The following DNAH7 variants were observed in gnomAD, a reference collection of about 807,000 sequenced individuals.
The protein encoded by DNAH7 is axonemal beta dynein heavy chain 7.
Under a neutral mutation model 444.6 loss-of-function variants are expected in DNAH7, and 397 were observed. That is an observed-to-expected ratio of 0.89 (90% confidence interval 0.82 to 0.97). DNAH7 has a LOEUF of 0.97. Among genes scored for constraint, DNAH7 ranks in the 50% least tolerant of loss-of-function variants. The pLI, the probability that DNAH7 is intolerant of heterozygous loss-of-function variation, is 0.00. For synonymous variants in DNAH7, 1,636 were observed against 1,624.4 expected, an observed-to-expected ratio of 1.01 and a Z score of -0.17; for missense variants, 4,902 against 4,800.8, an observed-to-expected ratio of 1.02 and a Z score of -0.62.
chr2:195,846,119 G>A (rs1490498067), intron 46 of DNAH7, among the ~76,000 whole-genome samples: 1 of 152,054 alleles, frequency 6.6e-6, no homozygotes, highest in Non-Finnish European at 1.5e-5. Flanking sequence ...TCTGACAAAG[G>A]TCAATATATC....
chr2:195,799,728 G>A (rs148762333), intron 54 of DNAH7, among the ~76,000 whole-genome samples: 12 of 152,204 alleles, frequency 7.9e-5, no homozygotes, highest in Non-Finnish European at 1.6e-4. Flanking sequence ...CCCTTGAAAT[G>A]AATGTTCAAG....
At chr2:196,036,505 T>C (rs192908873) in intron 5 of DNAH7, among the ~76,000 whole-genome samples, 1 of 152,216 alleles carries the variant, frequency 6.6e-6, no homozygotes, top group Non-Finnish European at 1.5e-5. Flanking sequence ...TCCCCCAAGG[T>C]ATTGGGAACC....
At chr2:195,769,282 C>T (rs1574402742) in intron 61 of DNAH7, among the ~76,000 whole-genome samples, 1 of 150,724 alleles carries the variant, frequency 6.6e-6, no homozygotes. Flanking sequence ...AAGGTGGTCT[C>T]GAATTCCTGG....
intron 58 of DNAH7, among the ~76,000 whole-genome samples, chr2:195,780,669 T>C (rs1463399037): frequency 6.6e-6 from 1 of 152,076 alleles, no homozygotes; most frequent in Non-Finnish European, 1.5e-5. Flanking sequence ...GAGAATCACT[T>C]GAACCTGGGA....
At chr2:195,968,456 G>A (rs894828307) in intron 17 of DNAH7, among the ~76,000 whole-genome samples, 3 of 152,056 alleles carry the variant, frequency 2.0e-5, no homozygotes, top group Admixed American at 1.3e-4. Flanking sequence ...AACCCTGCAC[G>A]TTGCCCTGCC....
intron 57 of DNAH7, among the ~76,000 whole-genome samples, chr2:195,791,191 G>A (rs1293949270): frequency 6.6e-6 from 1 of 151,938 alleles, no homozygotes; most frequent in Admixed American, 6.6e-5. Flanking sequence ...GTCAAGGCCA[G>A]GCTCGGTGGC....
intron 21 of DNAH7, among the ~76,000 whole-genome samples, chr2:195,930,289 A>T (rs1688606326): frequency 6.6e-6 from 1 of 152,032 alleles, no homozygotes; most frequent in Admixed American, 6.6e-5. Context: ...TTGCAGTGAG[A>T]TGAGATTGCA....
chr2:195,851,588 C>G (rs572106062), intron 46 of DNAH7, among the ~76,000 whole-genome samples: 2 of 152,216 alleles, frequency 1.3e-5, no homozygotes, highest in Non-Finnish European at 2.9e-5. Flanking sequence ...AGCAGCCCCC[C>G]ATTCTGATAG....
At chr2:195,954,222 C>G (rs1394017083) in intron 19 of DNAH7, among the ~76,000 whole-genome samples, 1 of 152,168 alleles carries the variant, frequency 6.6e-6, no homozygotes, top group Non-Finnish European at 1.5e-5. Flanking sequence ...GTTCCCCTTC[C>G]TGTGTCCAGG....
intron 2 of DNAH7, among the ~76,000 whole-genome samples, chr2:196,052,356 G>T (rs1697529097): frequency 6.6e-6 from 1 of 152,172 alleles, no homozygotes. Context: ...GTATGCACTA[G>T]CCCCCTGTAA....
intron 46 of DNAH7, among the ~76,000 whole-genome samples, chr2:195,850,073 A>T (rs145420778): frequency 6.6e-6 from 1 of 152,216 alleles, no homozygotes; most frequent in African/African-American, 2.4e-5. Flanking sequence ...CAGAATGCTC[A>T]GCTTAGAGTT....
At chr2:195,850,869 G>A (rs991551267) in intron 46 of DNAH7, among the ~76,000 whole-genome samples, 2 of 152,134 alleles carry the variant, frequency 1.3e-5, no homozygotes, top group African/African-American at 4.8e-5. Context: ...AGGTGGCCTC[G>A]TTAGATGCCA....
chr2:195,972,162 A>G, intron 16 of DNAH7, 80 bp downstream of exon 16: 1 of 1,194,166 alleles, frequency 8.4e-7, no homozygotes, highest in Non-Finnish European at 1.2e-6. Context: ...GCACTCAAAT[A>G]AAATAATTGA....
intron 60 of DNAH7, 124 bp from the exon 61 acceptor site, chr2:195,772,014 T>C (rs1694864332): frequency 1.3e-6 from 1 of 788,612 alleles, no homozygotes; most frequent in African/African-American, 1.7e-5. Context: ...CCATGATCCA[T>C]CTCCACACAA....
chr2:195,806,966 G>A (rs1335035884), intron 53 of DNAH7, 134 bp from the exon 54 acceptor site: 4 of 590,606 alleles, frequency 6.8e-6, no homozygotes, highest in Non-Finnish European at 1.1e-5. Flanking sequence ...TTAGTGTAAA[G>A]TTGGGACATT....
At chr2:195,817,575 G>C (rs1697284031) in intron 50 of DNAH7, 121 bp downstream of exon 50, 2 of 1,050,738 alleles carry the variant, frequency 1.9e-6, no homozygotes, top group Admixed American at 6.5e-5. Context: ...ACATTTTCCT[G>C]TTATATTTTC....
intron 48 of DNAH7, among the ~76,000 whole-genome samples, chr2:195,833,266 G>C (rs1012940898): frequency 1.3e-5 from 2 of 152,192 alleles, no homozygotes; most frequent in Non-Finnish European, 2.9e-5. Flanking sequence ...ACGTGTGCAT[G>C]TGTCTGTGTG....
intron 21 of DNAH7, among the ~76,000 whole-genome samples, chr2:195,933,141 C>G (rs1200547844): frequency 1.3e-5 from 2 of 152,032 alleles, no homozygotes; most frequent in Admixed American, 1.3e-4. Flanking sequence ...TCAAAAGACA[C>G]ATGAAAAAAT....
chr2:195,744,945 C>G (rs983843946), intron 63 of DNAH7, among the ~76,000 whole-genome samples: 3 of 152,176 alleles, frequency 2.0e-5, no homozygotes, highest in East Asian at 3.8e-4. Flanking sequence ...AAAAGCAGAG[C>G]GCCTCTCCTC....
Sources: allele counts gnomAD v4.1 joint callset (sites outside exome capture counted in the v4.1 genomes callset), GRCh38; gene constraint gnomAD v4.1.1; transcripts MANE v1.5; gene names NCBI Gene and HGNC (gene_info 2026-07-23, HGNC 2026-07-21).